Variants in PHACTR3 observed in about 807,000 individuals in gnomAD.
The protein encoded by PHACTR3 is protein phosphatase 1, regulatory subunit 123.
In PHACTR3, 16 loss-of-function variants were observed where a neutral mutation model predicts 66.8. That is an observed-to-expected ratio of 0.24 (90% CI 0.16 to 0.36). The LOEUF (loss-of-function observed/expected upper bound fraction) is 0.36. Among genes scored for constraint, PHACTR3 ranks in the 10% least tolerant of loss-of-function variants. The pLI is 1.00. For synonymous variants in PHACTR3, 323 were observed against 292.1 expected (o/e 1.11, Z -1.08); for missense variants, 647 against 719.9 (o/e 0.90, Z 1.16).
Position 59,774,266 on chromosome 20 carries a change from G to C in PHACTR3, c.950G>C (p.Gly317Ala). 6.2e-7 allele frequency: 1 copy of C among 1,601,478 alleles called. No individual in the cohort carries two copies. The highest frequency in any genetic ancestry group is 8.5e-7 in the Non-Finnish European group (1 of 1,174,794). Residue 317 changes from glycine to alanine, a missense_variant, in exon 7 of 13, where the codon GGG becomes GCG. Physicochemically the swap from Gly to Ala is moderately conservative, Grantham distance 60 (BLOSUM62 0). Coordinates refer to ENST00000371015, the MANE Select transcript of PHACTR3 (RefSeq NM_080672.5). Reference sequence around the variant, plus strand: ...AGTTTTCAAGGAAGAGAAAGTAAAGGGTCTCCAAAGAAGCGGCTGGATGTC... The same window carrying C: ...AGTTTTCAAGGAAGAGAAAGTAAAGCGTCTCCAAAGAAGCGGCTGGATGTC... Reference protein sequence around the residue: ...QDSFQGRESKGSPKKRLDVRL... With the variant: ...QDSFQGRESKASPKKRLDVRL...
chr20:59,666,439 G>A (rs970794039), intron 1 of PHACTR3, among the ~76,000 whole-genome samples: 1 of 152,214 alleles, frequency 6.6e-6, no homozygotes, highest in Admixed American at 6.5e-5. Flanking sequence ...CAGGGCCTGG[G>A]GCCACCATTC....
chr20:59,837,011 A>C (rs1284851990), intron 9 of PHACTR3, among the ~76,000 whole-genome samples: 1 of 152,136 alleles, frequency 6.6e-6, no homozygotes, highest in Non-Finnish European at 1.5e-5. Context: ...GTGGCTCAGG[A>C]CTTTGAGGTT....
intron 1 of PHACTR3, among the ~76,000 whole-genome samples, chr20:59,700,465 C>G (rs1199207013): frequency 1.3e-5 from 2 of 152,192 alleles, no homozygotes; most frequent in East Asian, 1.9e-4. Context: ...CATTGGCCTG[C>G]AAAGATATTA....
intron 1 of PHACTR3, among the ~76,000 whole-genome samples, chr20:59,675,072 CTTT>C (rs1162333300): frequency 8.4e-6 from 1 of 119,490 alleles, no homozygotes; most frequent in African/African-American, 3.4e-5. Flanking sequence ...TTCCCCCTCT[CTTT>C]TCCTCCCCTT....
At chr20:59,754,160 A>G (rs1019502199) in intron 3 of PHACTR3, among the ~76,000 whole-genome samples, 1 of 152,222 alleles carries the variant, frequency 6.6e-6, no homozygotes, top group Non-Finnish European at 1.5e-5. Context: ...GGGCCCTGCC[A>G]TCCTGCAGTT....
Position 59,774,230 on chromosome 20 carries a change from C to G in PHACTR3, c.927-13C>G, listed in dbSNP as rs759918591. 1.3e-6 allele frequency: 2 copies of G among 1,566,156 alleles called. No individual in the cohort carries two copies. The highest frequency in any genetic ancestry group is 3.8e-5 in the Admixed American group (2 of 52,138). On this transcript the variant is annotated splice_polypyrimidine_tract_variant and intron_variant, in intron 6 of 12. Coordinates refer to ENST00000371015, the MANE Select transcript of PHACTR3 (RefSeq NM_080672.5). ...GGGGGTGACCTATAACCTGAACCAT[C>G]TTTCTGGTTTAGTTTTCAAGGAAGA...
At chr20:59,664,046 C>T (rs561677717) in intron 1 of PHACTR3, among the ~76,000 whole-genome samples, 4 of 152,036 alleles carry the variant, frequency 2.6e-5, no homozygotes, top group Non-Finnish European at 5.9e-5. Flanking sequence ...TCCCTTTTTC[C>T]TAAACACTTA....
chr20:59,808,365 A>G (rs1211557873), intron 8 of PHACTR3, among the ~76,000 whole-genome samples: 1 of 152,214 alleles, frequency 6.6e-6, no homozygotes, highest in Non-Finnish European at 1.5e-5. Context: ...ACCAGGCCAG[A>G]TGGCAGGCTA....
At chr20:59,671,174 G>A (rs1255092742) in intron 1 of PHACTR3, among the ~76,000 whole-genome samples, 1 of 152,168 alleles carries the variant, frequency 6.6e-6, no homozygotes, top group African/African-American at 2.4e-5. Context: ...AACTGAAGGG[G>A]GATTTCCAGA....
chr20:59,709,421 C>T (rs559084485), intron 1 of PHACTR3, among the ~76,000 whole-genome samples: 9 of 152,192 alleles, frequency 5.9e-5, no homozygotes, highest in Non-Finnish European at 1.3e-4. Context: ...CCACCCTTTG[C>T]CAGTTAAAAC....
At chr20:59,785,094 G>A (rs1027587602) in intron 7 of PHACTR3, among the ~76,000 whole-genome samples, 1 of 152,200 alleles carries the variant, frequency 6.6e-6, no homozygotes, top group African/African-American at 2.4e-5. Context: ...TCTGCAGGGA[G>A]TGTCAGAGTC....
intron 7 of PHACTR3, among the ~76,000 whole-genome samples, chr20:59,803,571 T>A (rs533683767): frequency 6.6e-6 from 1 of 152,370 alleles, no homozygotes; most frequent in South Asian, 2.1e-4. Flanking sequence ...TTTTGGCATA[T>A]AATATGCATA....
intron 11 of PHACTR3, 63 bp downstream of exon 11, chr20:59,841,598 G>T: frequency 6.5e-7 from 1 of 1,529,804 alleles, no homozygotes; most frequent in Non-Finnish European, 8.8e-7. Flanking sequence ...AATATGTCAT[G>T]CCAGGGAGTT....
At chr20:59,746,459 A>C (rs375403199) in intron 2 of PHACTR3, among the ~76,000 whole-genome samples, 6 of 152,242 alleles carry the variant, frequency 3.9e-5, no homozygotes, top group Admixed American at 3.3e-4. Flanking sequence ...TAAATGTGTA[A>C]GGGGTTTCCA....
At chr20:59,741,552 C>T (rs2039163326) in intron 1 of PHACTR3, among the ~76,000 whole-genome samples, 1 of 152,214 alleles carries the variant, frequency 6.6e-6, no homozygotes, top group Admixed American at 6.5e-5. Flanking sequence ...CTCTGCTCTA[C>T]ACTGTGACCC....
At chr20:59,706,410 A>T (rs182239485) in intron 1 of PHACTR3, among the ~76,000 whole-genome samples, 60 of 152,298 alleles carry the variant, frequency 3.9e-4, no homozygotes, top group South Asian at 1.2e-3. Flanking sequence ...CTCTGATTCA[A>T]TGTGGCCAGT....
At chr20:59,838,372 G>C (rs1287588384) in intron 9 of PHACTR3, among the ~76,000 whole-genome samples, 1 of 152,060 alleles carries the variant, frequency 6.6e-6, no homozygotes, top group Non-Finnish European at 1.5e-5. Context: ...TATCACTTTT[G>C]TATTTGCTTC....
chr20:59,680,699 G>C (rs1245692597), intron 1 of PHACTR3, among the ~76,000 whole-genome samples: 5 of 152,224 alleles, frequency 3.3e-5, no homozygotes, highest in Admixed American at 2.6e-4. Flanking sequence ...ATTAGTGTTA[G>C]CGTATTTTAT....
At position 59,728,026 on chromosome 20, in the gene PHACTR3, G is replaced by A. The variant is rs73144844; in HGVS notation, c.119-15081G>A. Among the ~76,000 whole-genome samples, 303 of 152,304 alleles carry A rather than the reference G, an allele frequency of 2.0e-3. 1 individual carries two copies. The highest frequency in any genetic ancestry group is 3.4e-3 in the Middle Eastern group (1 of 294). ...TTATTTTGTTGTTACTGTTGTTGAG[G>A]TAAAATTCATATAGCACAAAATTAA... On this transcript the variant is annotated intron_variant, in intron 1 of 12. Transcript: ENST00000371015.
Sources: gnomAD v4.1 joint callset for allele counts (sites outside exome capture counted in the v4.1 genomes callset) on GRCh38, gnomAD v4.1.1 for gene constraint, MANE v1.5 for transcripts, NCBI Gene and HGNC (gene_info 2026-07-23, HGNC 2026-07-21) for gene names.